TAFA5: variants seen among roughly 807,000 people sequenced by gnomAD.
TAFA5 encodes TAFA chemokine like family member 5.
TAFA5 carries 6 observed loss-of-function variants against 15.3 expected under a neutral mutation model. The ratio of observed to expected loss-of-function variants is 0.39; its 90% CI spans 0.21 to 0.77. TAFA5 has a LOEUF of 0.77. Ranked by LOEUF, TAFA5 falls within the 30% of genes least tolerant of loss-of-function variation. The probability of loss-of-function intolerance (pLI) is 0.41; values close to 1 mark genes in which losing one functional copy is unlikely to be tolerated. For synonymous variants in TAFA5, 103 were observed against 80.7 expected (o/e 1.28, Z -1.48); for missense variants, 161 against 193.1 (o/e 0.83, Z 0.98).
chr22:48,637,878 A>G (rs911199977), intron 1 of TAFA5, among the ~76,000 whole-genome samples: 1 of 151,960 alleles, frequency 6.6e-6, no homozygotes, highest in Non-Finnish European at 1.5e-5. Flanking sequence ...GTTTATGAAT[A>G]GGTCTTCTCC....
intron 3 of TAFA5, among the ~76,000 whole-genome samples, chr22:48,738,199 A>C (rs567925718): frequency 1.8e-4 from 28 of 152,316 alleles, no homozygotes; most frequent in Admixed American, 1.6e-3. Context: ...GGAGCCCAGC[A>C]TGGGGAGGGC....
chr22:48,694,719 G>A (rs1255890398), intron 2 of TAFA5, among the ~76,000 whole-genome samples: 1 of 151,898 alleles, frequency 6.6e-6, no homozygotes, highest in Non-Finnish European at 1.5e-5. Flanking sequence ...ACCTACAGGG[G>A]GAGGCTGCCT....
intron 1 of TAFA5, among the ~76,000 whole-genome samples, chr22:48,554,361 G>T (rs923258095): frequency 2.0e-5 from 3 of 151,996 alleles, no homozygotes; most frequent in Non-Finnish European, 2.9e-5. Flanking sequence ...TTTCTGTAAG[G>T]GTTTTTTAAA....
intron 1 of TAFA5, among the ~76,000 whole-genome samples, chr22:48,633,919 G>T (rs1181866553): frequency 6.6e-6 from 1 of 152,218 alleles, no homozygotes; most frequent in Non-Finnish European, 1.5e-5. Flanking sequence ...ACAATCGTGG[G>T]TGAGAAACAG....
chr22:48,659,551 C>T (rs1310679115), intron 2 of TAFA5, among the ~76,000 whole-genome samples: 1 of 152,224 alleles, frequency 6.6e-6, no homozygotes, highest in Non-Finnish European at 1.5e-5. Context: ...TCAGGGAGCC[C>T]TTCCGGGAGG....
intron 1 of TAFA5, among the ~76,000 whole-genome samples, chr22:48,592,458 A>C (rs887564581): frequency 6.6e-5 from 10 of 152,110 alleles, no homozygotes; most frequent in Non-Finnish European, 1.2e-4. Context: ...GGGACGTTGC[A>C]CTCAGCTCTC....
chr22:48,605,410 G>GATGGTGTTGATGGTGATCATGGTGGTA (rs1351752146), intron 1 of TAFA5, among the ~76,000 whole-genome samples: 244 of 149,886 alleles, frequency 1.6e-3, no homozygotes, highest in East Asian at 4.0e-3. Context: ...TGATGGTGGT[G>GATGGTGTTGATGGTGATCATGGTGGTA]ATGGTGAGGA....
chr22:48,528,130 T>C (rs1921844856), intron 1 of TAFA5, among the ~76,000 whole-genome samples: 1 of 152,200 alleles, frequency 6.6e-6, no homozygotes, highest in Non-Finnish European at 1.5e-5. Flanking sequence ...ATGGCTCTGA[T>C]GGCGTCGATG....
At chr22:48,618,704 A>G (rs890397627) in intron 1 of TAFA5, among the ~76,000 whole-genome samples, 1 of 152,208 alleles carries the variant, frequency 6.6e-6, no homozygotes, top group African/African-American at 2.4e-5. Context: ...GCTGGGCAGT[A>G]TAGCCTCTCC....
chr22:48,672,244 A>G (rs552396995), intron 2 of TAFA5, among the ~76,000 whole-genome samples: 9 of 152,358 alleles, frequency 5.9e-5, no homozygotes, highest in African/African-American at 1.9e-4. Flanking sequence ...TGTGGGAATC[A>G]TCATACTTCT....
chr22:48,750,267 G>A lies in TAFA5; in HGVS notation c.*420G>A, dbSNP rs1036223500. The A allele has an allele frequency of 3.2e-5, 8 of 253,716 alleles. No individual in the cohort carries two copies. The highest frequency in any genetic ancestry group is 9.0e-5 in the African/African-American group (4 of 44,296). The allele number at this position is 253,716 out of a possible 1,614,324, so 15.7% of individuals were successfully genotyped here. A position where few individuals can be genotyped will look rare whatever the true frequency, so the allele number is the denominator to read the frequency against. On this transcript the variant is annotated 3_prime_UTR_variant, in exon 4 of 4. Transcript: ENST00000402357. ...TCAGGCACAGAAGCGGCCTCCTCCCGTGCCCCAGACTGTCCGAATTGCTTT... is the reference window on the plus strand; with the variant it reads ...TCAGGCACAGAAGCGGCCTCCTCCCATGCCCCAGACTGTCCGAATTGCTTT...
chr22:48,672,992 A>C lies in TAFA5; in HGVS notation c.262+26246A>C, dbSNP rs181553550. Among the ~76,000 whole-genome samples, 361 of 152,310 alleles carry C rather than the reference A, an allele frequency of 2.4e-3. 7 individuals carry two copies. The highest frequency in any genetic ancestry group is 0.014 in the Middle Eastern group (4 of 294). ...GAGTATGTCCAGGACAGTGTGGAAC[A>C]GACAAAAACCCTGACCCCAAGGCTG... On this transcript the variant is annotated intron_variant, in intron 2 of 3. Transcript: ENST00000402357.
rs1021778275 is a variant in TAFA5, at chr22:48,598,196, T to C, written c.113-48401T>C. ...CTTGAGGAAGGTCCATCTTTGTCCA[T>C]TGAGGCCTTCACCTGCTTGGATAGG... On this transcript the variant is annotated intron_variant, in intron 1 of 3. Coordinates refer to ENST00000402357, the MANE Select transcript of TAFA5 (RefSeq NM_001082967.3). The surrounding 1 kb of genome is among the most constrained non-coding windows in gnomAD (Gnocchi z 4.0). Among the ~76,000 whole-genome samples the C allele has an allele frequency of 2.0e-5, 3 of 152,148 alleles. No homozygotes were observed. Among genetic ancestry groups the C allele is most frequent in the African/African-American group, 7.2e-5 (3 of 41,438 alleles).
chr22:48,630,720 C>T (rs939274774), intron 1 of TAFA5, among the ~76,000 whole-genome samples: 1 of 152,214 alleles, frequency 6.6e-6, no homozygotes, highest in Non-Finnish European at 1.5e-5. Flanking sequence ...GGCTGCAGGG[C>T]TGGCTACCGG....
intron 3 of TAFA5, among the ~76,000 whole-genome samples, chr22:48,749,604 C>T (rs1369152634): frequency 2.0e-5 from 3 of 152,180 alleles, no homozygotes; most frequent in Non-Finnish European, 4.4e-5. Flanking sequence ...CTGACAGCCC[C>T]TCCAGGTCGT....
intron 1 of TAFA5, among the ~76,000 whole-genome samples, chr22:48,597,659 C>G (rs575323131): frequency 6.6e-6 from 1 of 152,270 alleles, no homozygotes; most frequent in Non-Finnish European, 1.5e-5. Flanking sequence ...CCACCACATG[C>G]GGTTATATCT....
At chr22:48,657,931 GTCCACTACACCC>G (rs1463097767) in intron 2 of TAFA5, among the ~76,000 whole-genome samples, 2 of 151,932 alleles carry the variant, frequency 1.3e-5, no homozygotes, top group Non-Finnish European at 2.9e-5. Context: ...TGTTTAAAGT[GTCCACTACACCC>G]TGCTAATAAT....
chr22:48,686,913 TG>T (rs1928375924), intron 2 of TAFA5, among the ~76,000 whole-genome samples: 2 of 137,680 alleles, frequency 1.5e-5, no homozygotes, highest in Non-Finnish European at 3.0e-5. Context: ...GATGGATGGA[TG>T]GATGGATGGA....
chr22:48,529,004 G>A (rs769267612), intron 1 of TAFA5, among the ~76,000 whole-genome samples: 2 of 152,202 alleles, frequency 1.3e-5, no homozygotes, highest in African/African-American at 2.4e-5. Context: ...TGGGGCACAG[G>A]GTAGCTGCCT....
Sources: allele counts gnomAD v4.1 joint callset (sites outside exome capture counted in the v4.1 genomes callset), GRCh38; gene constraint gnomAD v4.1.1; non-coding constraint Gnocchi (gnomAD v3.1); transcripts MANE v1.5; gene names NCBI Gene and HGNC (gene_info 2026-07-23, HGNC 2026-07-21).